Variants in OPHN1 observed in about 807,000 individuals in gnomAD.
OPHN1 encodes oligophrenin-1.
A neutral mutation model predicts 60.7 loss-of-function variants in OPHN1; 11 were observed. That is an observed-to-expected ratio of 0.18 (90% confidence interval 0.11 to 0.30). OPHN1 has a LOEUF of 0.30. Among genes scored for constraint, OPHN1 ranks in the 10% least tolerant of loss-of-function variants. The probability of loss-of-function intolerance (pLI) is 1.00; values close to 1 mark genes in which losing one functional copy is unlikely to be tolerated. For missense variants in OPHN1, 449 were observed against 611.0 expected (o/e 0.73, Z 2.80); for synonymous variants, 226 against 222.6 (o/e 1.02, Z -0.14).
At chrX:68,412,813 T>A (rs2078775584) in intron 2 of OPHN1, among the ~76,000 whole-genome samples, 3 of 112,053 alleles carry the variant, frequency 2.7e-5, no homozygotes, top group African/African-American at 9.7e-5. Flanking sequence ...TAGACCCATC[T>A]CAGCTATATA....
chrX:68,106,969 A>G (rs1022613897), intron 18 of OPHN1, among the ~76,000 whole-genome samples: 4 of 112,131 alleles, frequency 3.6e-5, no homozygotes, highest in African/African-American at 1.3e-4. Flanking sequence ...CATACTGTCT[A>G]TACCTAGACT....
intron 19 of OPHN1, among the ~76,000 whole-genome samples, chrX:68,094,934 C>T (rs1427183644): frequency 2.7e-5 from 3 of 111,166 alleles, no homozygotes; most frequent in Admixed American, 9.6e-5. Flanking sequence ...CATTCCTCTA[C>T]TCCCTATCGA....
At chrX:68,053,263 A>G (rs764752363) in intron 22 of OPHN1, among the ~76,000 whole-genome samples, 2 of 112,774 alleles carry the variant, frequency 1.8e-5, no homozygotes, top group Non-Finnish European at 3.7e-5. Flanking sequence ...AGCCTCAAGC[A>G]TAAGTACAGT....
At chrX:68,272,147 A>G (rs974013978) in intron 5 of OPHN1, among the ~76,000 whole-genome samples, 3 of 111,784 alleles carry the variant, frequency 2.7e-5, no homozygotes, top group African/African-American at 9.8e-5. Context: ...CAATAAATTG[A>G]TAACACACAG....
At chrX:68,170,117 C>T (rs1168782003) in intron 15 of OPHN1, among the ~76,000 whole-genome samples, 8 of 110,256 alleles carry the variant, frequency 7.3e-5, no homozygotes, top group Admixed American at 1.9e-4. Context: ...AAAAAGTGGG[C>T]GAAGGACACG....
intron 21 of OPHN1, among the ~76,000 whole-genome samples, chrX:68,060,409 T>C (rs765438224): frequency 6.7e-4 from 74 of 110,982 alleles, no homozygotes; most frequent in African/African-American, 2.3e-3. Flanking sequence ...TCTCCATCTA[T>C]AAAAAGGGGA....
intron 18 of OPHN1, among the ~76,000 whole-genome samples, chrX:68,100,276 C>T (rs184671878): frequency 9.0e-5 from 10 of 110,649 alleles, no homozygotes; most frequent in Admixed American, 1.9e-4. Context: ...CGCACACACA[C>T]GCACACACAC....
intron 5 of OPHN1, among the ~76,000 whole-genome samples, chrX:68,249,883 G>C (rs2077824820): frequency 8.9e-6 from 1 of 111,946 alleles, no homozygotes; most frequent in Non-Finnish European, 1.9e-5. Context: ...CTCCAGCAAA[G>C]GTTTCCTAAA....
intron 15 of OPHN1, among the ~76,000 whole-genome samples, chrX:68,145,679 T>C (rs1324674285): frequency 8.9e-6 from 1 of 111,890 alleles, no homozygotes; most frequent in Non-Finnish European, 1.9e-5. Flanking sequence ...ACCACTATCA[T>C]AAATTCAATC....
intron 6 of OPHN1, among the ~76,000 whole-genome samples, chrX:68,232,012 T>C (rs779057254): frequency 4.5e-5 from 5 of 112,176 alleles, no homozygotes; most frequent in African/African-American, 1.6e-4. Flanking sequence ...GAGAACTCTG[T>C]ACTTACTATT....
intron 15 of OPHN1, among the ~76,000 whole-genome samples, chrX:68,148,913 T>C (rs1372330594): frequency 9.0e-6 from 1 of 111,515 alleles, no homozygotes; most frequent in Non-Finnish European, 1.9e-5. Flanking sequence ...TTCATCTCTA[T>C]AGCAATGTAG....
intron 11 of OPHN1, among the ~76,000 whole-genome samples, chrX:68,198,496 C>A (rs1422446606): frequency 1.8e-5 from 2 of 111,829 alleles, no homozygotes; most frequent in Admixed American, 1.9e-4. Context: ...ACTAACTACC[C>A]AGAGATATCC....
In OPHN1 at chrX:68,111,952, G is replaced by A. The variant is rs2077105951; in HGVS notation, c.1428C>T (p.Asp476=). 8.4e-7 allele frequency: 1 copy of A among 1,187,461 alleles called. No homozygotes were observed. The highest frequency in any genetic ancestry group is 1.1e-6 in the Non-Finnish European group (1 of 873,773). ...TAGCTCCTAGGCGGTAATCCAGGTT[G>A]TCAGACTCTGGGATAGAACAGTAAG... ...HKELVSAAKS[D]NLDYRLGAIH... The change falls in exon 18 of 25, where the codon GAC becomes GAT. Residue 476 remains aspartate, a synonymous_variant. Transcript: ENST00000355520.
At chrX:68,287,812 C>T (rs1478227316) in intron 3 of OPHN1, among the ~76,000 whole-genome samples, 1 of 111,719 alleles carries the variant, frequency 9.0e-6, no homozygotes, top group African/African-American at 3.3e-5. Context: ...AATTTTGGTT[C>T]GTTTTTGGAG....
intron 15 of OPHN1, among the ~76,000 whole-genome samples, chrX:68,152,834 C>T (rs2077291068): frequency 9.0e-6 from 1 of 111,475 alleles, no homozygotes; most frequent in Non-Finnish European, 1.9e-5. Flanking sequence ...CTCATGTTGA[C>T]TTATTGAAGA....
chrX:68,214,737 C>A (rs1035021679), intron 6 of OPHN1, among the ~76,000 whole-genome samples: 1 of 112,218 alleles, frequency 8.9e-6, no homozygotes, highest in Non-Finnish European at 1.9e-5. Context: ...TAGCTCACAC[C>A]TGTAATCCCA....
intron 2 of OPHN1, among the ~76,000 whole-genome samples, chrX:68,301,121 A>G (rs961505251): frequency 1.8e-5 from 2 of 111,664 alleles, no homozygotes; most frequent in African/African-American, 6.5e-5. Flanking sequence ...TGAACAAAAA[A>G]TGAAACAATG....
intron 3 of OPHN1, among the ~76,000 whole-genome samples, chrX:68,295,497 G>A (rs974584861): frequency 8.9e-5 from 10 of 112,324 alleles, no homozygotes; most frequent in Non-Finnish European, 7.5e-5. Context: ...CTCAATTAAT[G>A]TTACCAAGAT....
chrX:68,293,623 T>C (rs2078080365), intron 3 of OPHN1, among the ~76,000 whole-genome samples: 1 of 112,262 alleles, frequency 8.9e-6, no homozygotes, highest in Non-Finnish European at 1.9e-5. Context: ...GCAAGGTAGA[T>C]GCACAGAATA....
Sources: allele counts gnomAD v4.1 joint callset (sites outside exome capture counted in the v4.1 genomes callset), GRCh38; gene constraint gnomAD v4.1.1; transcripts MANE v1.5; gene names NCBI Gene and HGNC (gene_info 2026-07-23, HGNC 2026-07-21).